The following PRKAA2 variants were observed in gnomAD, a reference collection of about 807,000 sequenced individuals.
PRKAA2 encodes the protein protein kinase AMP-activated catalytic subunit alpha 2.
PRKAA2 carries 40 observed loss-of-function variants against 56.3 expected under a neutral mutation model. That is an observed-to-expected ratio of 0.71 (90% CI 0.55 to 0.92). The LOEUF is 0.92. PRKAA2 is among the 40% of genes least tolerant of loss of function. PRKAA2 has a pLI of 0.00. For synonymous variants in PRKAA2, 214 were observed against 234.2 expected (o/e 0.91, Z 0.79); for missense variants, 542 against 686.9 (o/e 0.79, Z 2.36).
intron 1 of PRKAA2, among the ~76,000 whole-genome samples, chr1:56,656,226 G>C (rs1215111888): frequency 6.6e-6 from 1 of 152,108 alleles, no homozygotes; most frequent in African/African-American, 2.4e-5. Flanking sequence ...AGGATGAAAA[G>C]AAAGTATAAG....
At chr1:56,706,630 A>G (rs944540656) in intron 8 of PRKAA2, among the ~76,000 whole-genome samples, 1 of 152,198 alleles carries the variant, frequency 6.6e-6, no homozygotes, top group Non-Finnish European at 1.5e-5. Flanking sequence ...GCGACCAAAT[A>G]GGTCTCCATT....
chr1:56,676,869 A>C (rs535949273), intron 2 of PRKAA2, among the ~76,000 whole-genome samples: 14 of 152,284 alleles, frequency 9.2e-5, no homozygotes, highest in African/African-American at 3.4e-4. Context: ...CTCAGTTCTC[A>C]CATCACTGCT....
chr1:56,713,863 A>AAG lies in PRKAA2; in HGVS notation c.*6151_*6152insGA, dbSNP rs1644386537. ...TCCACTGTTCTAAAAAAAAAAAAAA[A>AAG]AAAAAACACTAAATTGTGCCTTCTC... is the stretch of plus-strand genomic sequence containing the variant. On this transcript the variant is annotated 3_prime_UTR_variant, in exon 9 of 9. Transcript: ENST00000371244. 6.6e-6 allele frequency: 1 copy of AAG among 151,552 alleles called. No homozygotes were observed. Among genetic ancestry groups the AAG allele is most frequent in the Admixed American group, 6.6e-5 (1 of 15,202 alleles). 9.4% of individuals were successfully genotyped at this position (151,552 alleles called of 1,614,324 possible).
chr1:56,681,906 G>A (rs915463930), intron 2 of PRKAA2, among the ~76,000 whole-genome samples: 3 of 152,112 alleles, frequency 2.0e-5, no homozygotes, highest in African/African-American at 7.2e-5. Context: ...GTTATTGGTA[G>A]TTTGATGGGG....
At chr1:56,681,241 A>T in intron 2 of PRKAA2, among the ~76,000 whole-genome samples, 1 of 152,108 alleles carries the variant, frequency 6.6e-6, no homozygotes, top group South Asian at 2.1e-4. Context: ...AGTTCTTTGT[A>T]GATTCTGGAT....
Position 56,646,782 on chromosome 1 carries a change from C to T in PRKAA2, c.94+1301C>T, listed in dbSNP as rs183799054. Among the ~76,000 whole-genome samples, 230 of 152,232 alleles carry T rather than the reference C, an allele frequency of 1.5e-3. 3 individuals carry two copies. The highest frequency in any genetic ancestry group is 7.1e-3 in the East Asian group (37 of 5,176). On this transcript the variant is annotated intron_variant, in intron 1 of 8. Coordinates refer to ENST00000371244, the MANE Select transcript of PRKAA2 (RefSeq NM_006252.4). ...GAGTAGAAGAGACTCATTTTTCATT[C>T]CTTTGGTAAGAATCAGCTCCTGTTT...
chr1:56,678,099 T>C (rs1191360022), intron 2 of PRKAA2, among the ~76,000 whole-genome samples: 1 of 152,272 alleles, frequency 6.6e-6, no homozygotes, highest in African/African-American at 2.4e-5. Flanking sequence ...TTATAGAAGA[T>C]TGTCAGAGTT....
intron 1 of PRKAA2, among the ~76,000 whole-genome samples, chr1:56,662,078 T>A (rs954795835): frequency 5.3e-5 from 8 of 152,174 alleles, no homozygotes; most frequent in Admixed American, 3.9e-4. Context: ...TCTTTTTTGT[T>A]GTTACTGATT....
intron 2 of PRKAA2, among the ~76,000 whole-genome samples, chr1:56,676,150 C>T (rs1644111493): frequency 6.6e-6 from 1 of 152,068 alleles, no homozygotes; most frequent in Non-Finnish European, 1.5e-5. Context: ...GTAATACCTG[C>T]CCCCCATGTC....
At chr1:56,698,345 A>C (rs1354393656) in intron 6 of PRKAA2, among the ~76,000 whole-genome samples, 1 of 152,220 alleles carries the variant, frequency 6.6e-6, no homozygotes, top group South Asian at 2.1e-4. Context: ...TTGACTTTTC[A>C]TATATAGCTA....
chr1:56,682,624 A>G (rs773119148), intron 2 of PRKAA2, among the ~76,000 whole-genome samples: 8 of 152,186 alleles, frequency 5.3e-5, no homozygotes, highest in Non-Finnish European at 1.2e-4. Context: ...TGTTCTAAAT[A>G]GGAACTTTTG....
chr1:56,666,916 T>A (rs1644040427), intron 1 of PRKAA2, among the ~76,000 whole-genome samples: 1 of 152,138 alleles, frequency 6.6e-6, no homozygotes, highest in Non-Finnish European at 1.5e-5. Context: ...CAGTGGAGCC[T>A]CCATTCTATA....
chr1:56,685,388 G>C (rs1474043228), intron 2 of PRKAA2, among the ~76,000 whole-genome samples: 2 of 152,152 alleles, frequency 1.3e-5, no homozygotes, highest in South Asian at 2.1e-4. Context: ...TTATCTGATG[G>C]CCTGCACTTC....
chr1:56,666,296 C>T (rs1312034955), intron 1 of PRKAA2, among the ~76,000 whole-genome samples: 3 of 152,016 alleles, frequency 2.0e-5, no homozygotes, highest in East Asian at 1.9e-4. Flanking sequence ...AGCTAGCCAC[C>T]GTAAAGGAGA....
At chr1:56,669,772 A>G (rs1340750230) in intron 1 of PRKAA2, among the ~76,000 whole-genome samples, 1 of 152,206 alleles carries the variant, frequency 6.6e-6, no homozygotes, top group African/African-American at 2.4e-5. Flanking sequence ...TAGTTACCTT[A>G]AAAAATGAAA....
At chr1:56,676,148 T>C (rs1644111467) in intron 2 of PRKAA2, among the ~76,000 whole-genome samples, 1 of 152,180 alleles carries the variant, frequency 6.6e-6, no homozygotes, top group Non-Finnish European at 1.5e-5. Context: ...GAGTAATACC[T>C]GCCCCCCATG....
intron 1 of PRKAA2, among the ~76,000 whole-genome samples, chr1:56,655,280 A>ATTTATTTATATTTTTTTTTTTTT (rs1643932674): frequency 1.1e-5 from 1 of 93,680 alleles, no homozygotes; most frequent in Non-Finnish European, 1.9e-5. Context: ...ATATATATAT[A>ATTTATTTATATTTTTTTTTTTTT]TTTTTTTTTT....
intron 2 of PRKAA2, among the ~76,000 whole-genome samples, chr1:56,685,228 CT>C (rs1371731762): frequency 1.3e-5 from 2 of 152,156 alleles, no homozygotes; most frequent in Non-Finnish European, 2.9e-5. Context: ...GTTAACATGT[CT>C]GTTTATATCA....
intron 6 of PRKAA2, among the ~76,000 whole-genome samples, chr1:56,702,338 C>T (rs1644302180): frequency 1.3e-5 from 2 of 152,174 alleles, no homozygotes; most frequent in South Asian, 4.1e-4. Flanking sequence ...CTGCCTCGGC[C>T]TCCCAAAGTG....
Sources: gnomAD v4.1 joint callset for allele counts (sites outside exome capture counted in the v4.1 genomes callset) on GRCh38, gnomAD v4.1.1 for gene constraint, MANE v1.5 for transcripts, NCBI Gene and HGNC (gene_info 2026-07-23, HGNC 2026-07-21) for gene names.